Variants in FGGY observed in about 807,000 individuals in gnomAD.
FGGY encodes the protein FGGY carbohydrate kinase domain containing, also known as FGGY carbohydrate kinase domain-containing protein.
Under a neutral mutation model 71.3 loss-of-function variants are expected in FGGY, and 72 were observed. That is an observed-to-expected ratio of 1.01 (90% CI 0.84 to 1.23). The LOEUF is 1.23. FGGY is among the 50% of genes most tolerant of loss of function. FGGY has a pLI of 0.00. For missense variants in FGGY, 668 were observed against 682.3 expected, an observed-to-expected ratio of 0.98 and a Z score of 0.23; for synonymous variants, 251 against 250.3, an observed-to-expected ratio of 1.00 and a Z score of -0.02.
At chr1:59,682,897 C>T (rs1272578627) in intron 14 of FGGY, among the ~76,000 whole-genome samples, 1 of 152,152 alleles carries the variant, frequency 6.6e-6, no homozygotes, top group South Asian at 2.1e-4. Flanking sequence ...ATTATGTCAC[C>T]AAGTGTACTG....
chr1:59,380,915 A>G (rs1371807095), intron 5 of FGGY, among the ~76,000 whole-genome samples: 1 of 151,492 alleles, frequency 6.6e-6, no homozygotes, highest in South Asian at 2.1e-4. Flanking sequence ...TAGGGTTTTT[A>G]TGGTTTTAGT....
At chr1:59,652,785 G>A (rs200611111) in intron 11 of FGGY, among the ~76,000 whole-genome samples, 7,150 of 151,984 alleles carry the variant, frequency 0.047, 287 homozygotes, top group South Asian at 0.19. Flanking sequence ...GCTTTGTTCC[G>A]TTGCTGGTGA....
intron 5 of FGGY, among the ~76,000 whole-genome samples, chr1:59,455,266 T>TG (rs2153507948): frequency 6.6e-6 from 1 of 152,324 alleles, no homozygotes; most frequent in African/African-American, 2.4e-5. Flanking sequence ...TCACTCAGTC[T>TG]GCCCTTCATT....
intron 4 of FGGY, among the ~76,000 whole-genome samples, chr1:59,348,089 T>A (rs1055033718): frequency 1.3e-5 from 2 of 152,178 alleles, no homozygotes; most frequent in Admixed American, 6.5e-5. Context: ...GAATCTACAA[T>A]GAACTCAAAC....
intron 8 of FGGY, among the ~76,000 whole-genome samples, chr1:59,576,485 T>TG (rs1384109563): frequency 6.6e-6 from 1 of 152,010 alleles, no homozygotes; most frequent in African/African-American, 2.4e-5. Flanking sequence ...GGTTGATAGG[T>TG]GCAGCAAACC....
chr1:59,543,715 T>C (rs904500856), intron 7 of FGGY, among the ~76,000 whole-genome samples: 12 of 152,196 alleles, frequency 7.9e-5, no homozygotes, highest in African/African-American at 2.9e-4. Flanking sequence ...GGCTTTTTTT[T>C]TTAGTTTAAA....
intron 14 of FGGY, among the ~76,000 whole-genome samples, chr1:59,690,380 C>T (rs748095336): frequency 3.3e-5 from 5 of 152,184 alleles, no homozygotes; most frequent in African/African-American, 7.2e-5. Context: ...AGAGGCCACG[C>T]GCTTTCCCAA....
chr1:59,429,928 C>G (rs2067039020), intron 5 of FGGY, among the ~76,000 whole-genome samples: 1 of 152,182 alleles, frequency 6.6e-6, no homozygotes, highest in African/African-American at 2.4e-5. Context: ...ACCCTTGCTT[C>G]AATTGTGTCC....
chr1:59,531,177 T>A (rs1466640898), intron 7 of FGGY, among the ~76,000 whole-genome samples: 1 of 152,202 alleles, frequency 6.6e-6, no homozygotes, highest in Non-Finnish European at 1.5e-5. Flanking sequence ...AAGTCTCAAA[T>A]CTGCCCTTAC....
intron 5 of FGGY, among the ~76,000 whole-genome samples, chr1:59,416,439 C>T (rs756672592): frequency 3.9e-5 from 6 of 152,062 alleles, no homozygotes; most frequent in Non-Finnish European, 5.9e-5. Context: ...ATAATCATAC[C>T]TAACTTATTT....
At chr1:59,523,313 A>T (rs754723189) in intron 7 of FGGY, among the ~76,000 whole-genome samples, 1 of 152,240 alleles carries the variant, frequency 6.6e-6, no homozygotes, top group African/African-American at 2.4e-5. Context: ...ACTGTTTCTA[A>T]GCACTAATGT....
intron 8 of FGGY, among the ~76,000 whole-genome samples, chr1:59,587,566 C>T (rs752020244): frequency 6.6e-6 from 1 of 152,168 alleles, no homozygotes; most frequent in Non-Finnish European, 1.5e-5. Flanking sequence ...CAGACTGACA[C>T]CTCACACGGC....
At chr1:59,631,156 C>T (rs1043735367) in intron 10 of FGGY, among the ~76,000 whole-genome samples, 1 of 152,122 alleles carries the variant, frequency 6.6e-6, no homozygotes, top group Non-Finnish European at 1.5e-5. Flanking sequence ...GAATGTCACC[C>T]TGTCTGTTTT....
intron 4 of FGGY, among the ~76,000 whole-genome samples, chr1:59,377,155 A>T (rs751419990): frequency 7.9e-5 from 12 of 152,058 alleles, no homozygotes; most frequent in Non-Finnish European, 1.3e-4. Flanking sequence ...AGAGGAGACA[A>T]TCATCCAATG....
chr1:59,711,771 A>G (rs963713216), intron 14 of FGGY, among the ~76,000 whole-genome samples: 26 of 152,184 alleles, frequency 1.7e-4, no homozygotes, highest in Non-Finnish European at 3.5e-4. Context: ...TGAGAAGAGC[A>G]CAGGAAAGAC....
Position 59,346,404 on chromosome 1 carries a change from T to C in FGGY, c.465+6T>C. The C allele has an allele frequency of 6.2e-7, 1 of 1,610,856 alleles. No individual in the cohort carries two copies. Among genetic ancestry groups the C allele is most frequent in the Non-Finnish European group, 8.5e-7 (1 of 1,179,290 alleles). On this transcript the variant is annotated splice_donor_region_variant and intron_variant, in intron 4 of 15. Transcript: ENST00000303721. ...AACTTCTGTGGCTGAAAGAGGTGAG[T>C]GCATAGGGTCTAAGAGAAGATACCA...
intron 5 of FGGY, among the ~76,000 whole-genome samples, chr1:59,404,405 C>A (rs1249766647): frequency 6.6e-6 from 1 of 152,060 alleles, no homozygotes; most frequent in Admixed American, 6.5e-5. Context: ...AGCGTCAGTC[C>A]TTAAGAGGCT....
chr1:59,454,006 A>G (rs2091445769), intron 5 of FGGY, among the ~76,000 whole-genome samples: 1 of 152,174 alleles, frequency 6.6e-6, no homozygotes, highest in Non-Finnish European at 1.5e-5. Flanking sequence ...TTTTAAACTT[A>G]CAATGGTACC....
chr1:59,627,454 TTATATATATATA>T lies in FGGY; in HGVS notation c.1073+1430_1073+1441del, dbSNP rs60500862. Among the ~76,000 whole-genome samples the T allele has an allele frequency of 1.2e-3, 116 of 97,326 alleles. 1 individual carries two copies. The highest frequency in any genetic ancestry group is 0.011 in the East Asian group (39 of 3,668). The allele number at this position is 97,326 out of a possible 152,430, so 63.8% of individuals were successfully genotyped here. A position where few individuals can be genotyped will look rare whatever the true frequency, so the allele number is the denominator to read the frequency against. On this transcript the variant is annotated intron_variant, in intron 10 of 15. Transcript: ENST00000303721. ...ATGGTGTCAATATCAACTTATGATT[TTATATATATATA>T]TATATATATATATATATATATATAC...
Sources: gnomAD v4.1 joint callset for allele counts (sites outside exome capture counted in the v4.1 genomes callset) on GRCh38, gnomAD v4.1.1 for gene constraint, MANE v1.5 for transcripts, NCBI Gene and HGNC (gene_info 2026-07-23, HGNC 2026-07-21) for gene names.